The following ROBO2 variants were observed in gnomAD, a reference collection of about 807,000 sequenced individuals.
ROBO2 encodes the protein roundabout guidance receptor 2, also known as roundabout homolog 2.
Under a neutral mutation model 160.8 loss-of-function variants are expected in ROBO2, and 53 were observed. That is an observed-to-expected ratio of 0.33 (90% CI 0.26 to 0.41). The LOEUF is 0.41. Ranked by LOEUF, ROBO2 falls within the 10% of genes least tolerant of loss-of-function variation. ROBO2 has a pLI of 1.00. For missense variants in ROBO2, 1,577 were observed against 1,722.4 expected (o/e 0.92, Z 1.49); for synonymous variants, 664 against 611.7 (o/e 1.09, Z -1.26).
chr3:76,941,575 T>A (rs1421197774), intron 2 of ROBO2, among the ~76,000 whole-genome samples: 1 of 152,204 alleles, frequency 6.6e-6, no homozygotes, highest in African/African-American at 2.4e-5. Context: ...TGATGCATGA[T>A]GTACAATTAT....
chr3:77,386,603 A>ATGTTTTTTTTTTTTTTTTTTTTTTT (rs2074125189), intron 2 of ROBO2, among the ~76,000 whole-genome samples: 1 of 91,896 alleles, frequency 1.1e-5, no homozygotes, highest in Non-Finnish European at 2.1e-5. Context: ...CAGCCAGGTA[A>ATGTTTTTTTTTTTTTTTTTTTTTTT]TTTTTTTTTT....
chr3:76,250,171 C>T (rs1431843993), intron 2 of ROBO2, among the ~76,000 whole-genome samples: 1 of 151,886 alleles, frequency 6.6e-6, no homozygotes, highest in African/African-American at 2.4e-5. Flanking sequence ...CAAAAACAAG[C>T]AAACAGAAAA....
intron 2 of ROBO2, among the ~76,000 whole-genome samples, chr3:76,990,523 A>G (rs575071208): frequency 3.9e-5 from 6 of 152,322 alleles, no homozygotes; most frequent in African/African-American, 1.4e-4. Flanking sequence ...AATAACAGCC[A>G]TTGGAACTGT....
At chr3:77,022,508 G>A (rs977305154) in intron 2 of ROBO2, among the ~76,000 whole-genome samples, 5 of 152,158 alleles carry the variant, frequency 3.3e-5, no homozygotes, top group Admixed American at 6.5e-5. Flanking sequence ...CTATTAGATC[G>A]TATGCTTTCT....
At chr3:77,175,074 T>A (rs1038593916) in intron 2 of ROBO2, among the ~76,000 whole-genome samples, 1 of 152,092 alleles carries the variant, frequency 6.6e-6, no homozygotes, top group Non-Finnish European at 1.5e-5. Flanking sequence ...ATATTTTTCA[T>A]GACAACCCTG....
intron 2 of ROBO2, among the ~76,000 whole-genome samples, chr3:77,324,756 T>A (rs1454337690): frequency 7.5e-6 from 1 of 133,106 alleles, no homozygotes; most frequent in African/African-American, 2.9e-5. Flanking sequence ...CACTCCAGCC[T>A]AGGCGACAGA....
chr3:77,464,396 CTG>C (rs1422053105), intron 2 of ROBO2, among the ~76,000 whole-genome samples: 4 of 152,070 alleles, frequency 2.6e-5, no homozygotes, highest in African/African-American at 7.2e-5. Flanking sequence ...AGAGAACAAA[CTG>C]TGTTTAGGCC....
intron 2 of ROBO2, among the ~76,000 whole-genome samples, chr3:76,721,648 T>C (rs2093468818): frequency 6.6e-6 from 1 of 152,218 alleles, no homozygotes; most frequent in African/African-American, 2.4e-5. Context: ...TGGTATAAAC[T>C]TCAAATGCAA....
intron 2 of ROBO2, among the ~76,000 whole-genome samples, chr3:77,009,237 A>C (rs1308554383): frequency 6.6e-6 from 1 of 152,210 alleles, no homozygotes; most frequent in Non-Finnish European, 1.5e-5. Flanking sequence ...TCAGTTTGTG[A>C]ATATTTACCC....
At chr3:76,426,168 G>A (rs1199260131) in intron 2 of ROBO2, among the ~76,000 whole-genome samples, 2 of 152,114 alleles carry the variant, frequency 1.3e-5, no homozygotes, top group African/African-American at 4.8e-5. Flanking sequence ...AAAACTCTGT[G>A]TTAAATGAAA....
At chr3:76,933,790 G>A (rs1232149648) in intron 2 of ROBO2, among the ~76,000 whole-genome samples, 1 of 152,196 alleles carries the variant, frequency 6.6e-6, no homozygotes, top group African/African-American at 2.4e-5. Context: ...TAGATGTGCA[G>A]TTGAGCTAAC....
At chr3:76,956,547 ACT>A (rs2079277078) in intron 2 of ROBO2, among the ~76,000 whole-genome samples, 1 of 135,202 alleles carries the variant, frequency 7.4e-6, no homozygotes, top group Admixed American at 7.5e-5. Flanking sequence ...ACAGAGCGAG[ACT>A]CTGTCTCAAA....
chr3:76,983,094 G>A (rs1482599143), intron 2 of ROBO2, among the ~76,000 whole-genome samples: 1 of 151,926 alleles, frequency 6.6e-6, no homozygotes, highest in Non-Finnish European at 1.5e-5. Flanking sequence ...GACCAGCCTG[G>A]CCAACATGGT....
chr3:77,277,516 A>G (rs936731725), intron 2 of ROBO2, among the ~76,000 whole-genome samples: 2 of 151,970 alleles, frequency 1.3e-5, no homozygotes, highest in Non-Finnish European at 2.9e-5. Context: ...ATGTGTTCTC[A>G]TCGTTCATCT....
chr3:76,645,368 T>C (rs1186552750), intron 2 of ROBO2, among the ~76,000 whole-genome samples: 1 of 152,216 alleles, frequency 6.6e-6, no homozygotes, highest in Non-Finnish European at 1.5e-5. Context: ...CTGTAGAATA[T>C]ATGAACTTAA....
At chr3:76,867,771 T>C (rs2071532143) in intron 2 of ROBO2, among the ~76,000 whole-genome samples, 1 of 152,202 alleles carries the variant, frequency 6.6e-6, no homozygotes, top group Non-Finnish European at 1.5e-5. Flanking sequence ...TTGGGGAAAT[T>C]GAGCTCATTG....
chr3:77,443,427 A>G (rs987665317), intron 2 of ROBO2, among the ~76,000 whole-genome samples: 22 of 152,132 alleles, frequency 1.4e-4, no homozygotes, highest in African/African-American at 5.3e-4. Flanking sequence ...AAAATAGTCT[A>G]AGTGCCACTC....
At chr3:77,334,567 C>T (rs2066293267) in intron 2 of ROBO2, among the ~76,000 whole-genome samples, 1 of 152,170 alleles carries the variant, frequency 6.6e-6, no homozygotes, top group Non-Finnish European at 1.5e-5. Context: ...CCTTCTCTTC[C>T]TTGCTCTCTG....
At chr3:76,241,160 C>T (rs1267649540) in intron 2 of ROBO2, among the ~76,000 whole-genome samples, 1 of 152,142 alleles carries the variant, frequency 6.6e-6, no homozygotes, top group East Asian at 1.9e-4. Context: ...TATTTCTATT[C>T]CCCACTCACA....
Sources: gnomAD v4.1 joint callset for allele counts (sites outside exome capture counted in the v4.1 genomes callset) on GRCh38, gnomAD v4.1.1 for gene constraint, MANE v1.5 for transcripts, NCBI Gene and HGNC (gene_info 2026-07-23, HGNC 2026-07-21) for gene names.